ATG16L1: variants seen among roughly 807,000 people sequenced by gnomAD.
ATG16L1 encodes autophagy related 16 like 1.
Under a neutral mutation model 88.5 loss-of-function variants are expected in ATG16L1, and 37 were observed. The ratio of observed to expected loss-of-function variants is 0.42; its 90% CI spans 0.32 to 0.55. The LOEUF is 0.55. Among genes scored for constraint, ATG16L1 ranks in the 20% least tolerant of loss-of-function variants. The pLI, the probability that ATG16L1 is intolerant of heterozygous loss-of-function variation, is 0.13. For synonymous variants in ATG16L1, 301 were observed against 281.0 expected (o/e 1.07, Z -0.71); for missense variants, 554 against 752.8 (o/e 0.74, Z 3.09).
At chr2:233,272,420 T>C (rs889195258) in intron 6 of ATG16L1, among the ~76,000 whole-genome samples, 1 of 152,258 alleles carries the variant, frequency 6.6e-6, no homozygotes, top group Non-Finnish European at 1.5e-5. Context: ...TTCTATTTTT[T>C]AAAGTAATAT....
chr2:233,267,004 ATTAC>A (rs1370874593), intron 5 of ATG16L1, among the ~76,000 whole-genome samples: 4 of 152,158 alleles, frequency 2.6e-5, no homozygotes, highest in African/African-American at 9.7e-5. Flanking sequence ...TTAAAGAGAG[ATTAC>A]TTAATGGATA....
At chr2:233,290,040 A>C in intron 13 of ATG16L1, 66 bp downstream of exon 13, 23 of 1,596,140 alleles carry the variant, frequency 1.4e-5, no homozygotes, top group Non-Finnish European at 2.0e-5. Flanking sequence ...GTGTGTTTGC[A>C]CGTCAGAGCC....
At chr2:233,277,275 A>G (rs1167517875) in intron 9 of ATG16L1, 1 of 246,088 alleles carries the variant, frequency 4.1e-6, no homozygotes, top group African/African-American at 2.2e-5. Context: ...AATATAGGCC[A>G]TTATTGTTAG....
chr2:233,278,571 G>A lies in ATG16L1; in HGVS notation c.1060+898G>A, dbSNP rs566991949. ...AAAGGGAATAAAACTCAGATACTACGTGATTTACATGGCTAGTGAATGATT... is the reference window on the plus strand; with the variant it reads ...AAAGGGAATAAAACTCAGATACTACATGATTTACATGGCTAGTGAATGATT... On this transcript the variant is annotated intron_variant, in intron 10 of 17. Transcript: ENST00000392017. Among the ~76,000 whole-genome samples, 8 of 152,304 alleles carry A rather than the reference G, an allele frequency of 5.3e-5. 1 individual carries two copies. In the South Asian group the frequency reaches 8.3e-4, roughly 16 times the overall value.
rs193293994 is a variant in ATG16L1, at chr2:233,277,256, A to G, written c.955-312A>G. 3.0e-5 allele frequency: 6 copies of G among 198,730 alleles called. No individual in the cohort carries two copies. In the East Asian group the frequency reaches 6.2e-4, roughly 20 times the overall value. 12.3% of individuals were successfully genotyped at this position (198,730 alleles called of 1,614,324 possible). A position where few individuals can be genotyped will look rare whatever the true frequency, so the allele number is the denominator to read the frequency against. On this transcript the variant is annotated intron_variant, in intron 9 of 17. Transcript: ENST00000392017. ...TTAATTCTAGGTTTACTTTTAAACT[A>G]TTAAGATAAATATAGGCCATTATTG...
At chr2:233,279,865 A>C (rs1698609565) in intron 10 of ATG16L1, among the ~76,000 whole-genome samples, 1 of 152,158 alleles carries the variant, frequency 6.6e-6, no homozygotes, top group Admixed American at 6.5e-5. Context: ...CACTTCCTAC[A>C]TTTCGGCACT....
intron 7 of ATG16L1, 44 bp from the exon 8 acceptor site, chr2:233,273,677 C>T (rs1284296492): frequency 1.3e-6 from 2 of 1,590,868 alleles, no homozygotes. Flanking sequence ...ATTATTTGGG[C>T]AAAATGTTTC....
At position 233,277,550 on chromosome 2, in the gene ATG16L1, AG is replaced by A; in HGVS notation, c.955-15del. On this transcript the variant is annotated splice_polypyrimidine_tract_variant and intron_variant, in intron 9 of 17. Coordinates refer to ENST00000392017, the MANE Select transcript of ATG16L1 (RefSeq NM_030803.7). ...GGATGAGAATGACTGGGTTTGACAC[AG>A]GGTGCTTGTCTTGCAGGATGCACAT... 1 of 1,611,180 alleles carries A rather than the reference AG, an allele frequency of 6.2e-7. No individual in the cohort carries two copies. The highest frequency in any genetic ancestry group is 8.5e-7 in the Non-Finnish European group (1 of 1,177,466).
At chr2:233,283,176 A>G (rs1559405384) in intron 12 of ATG16L1, among the ~76,000 whole-genome samples, 1 of 152,188 alleles carries the variant, frequency 6.6e-6, no homozygotes, top group Non-Finnish European at 1.5e-5. Flanking sequence ...CCAAGCTGAG[A>G]AAGAGGGGAC....
intron 9 of ATG16L1, among the ~76,000 whole-genome samples, chr2:233,275,192 C>T (rs182526511): frequency 1.3e-5 from 2 of 152,296 alleles, no homozygotes; most frequent in Admixed American, 6.5e-5. Flanking sequence ...CTGTATGACT[C>T]CCAGCCATTA....
At chr2:233,292,533 C>G (rs188951414) in intron 16 of ATG16L1, 99 bp downstream of exon 16, 35 of 1,437,098 alleles carry the variant, frequency 2.4e-5, no homozygotes, top group Non-Finnish European at 3.4e-5. Context: ...TGTTCAGTGC[C>G]CAACCTATGT....
At chr2:233,261,827 C>A (rs912739500) in intron 2 of ATG16L1, among the ~76,000 whole-genome samples, 1 of 152,206 alleles carries the variant, frequency 6.6e-6, no homozygotes, top group African/African-American at 2.4e-5. Context: ...TCTGCTGTAT[C>A]TGAGATATTA....
At chr2:233,286,621 CTT>C (rs10676895) in intron 12 of ATG16L1, among the ~76,000 whole-genome samples, 8 of 93,272 alleles carry the variant, frequency 8.6e-5, no homozygotes, top group African/African-American at 1.9e-4. Flanking sequence ...GAAGCCCAAA[CTT>C]TTTTTTTTTT....
chr2:233,289,637 A>G (rs910150395), intron 12 of ATG16L1, among the ~76,000 whole-genome samples: 2 of 152,102 alleles, frequency 1.3e-5, no homozygotes, highest in Non-Finnish European at 2.9e-5. Flanking sequence ...AGCAGTCCTC[A>G]CACCTTGGCC....
intron 10 of ATG16L1, among the ~76,000 whole-genome samples, chr2:233,278,758 G>A (rs1698539435): frequency 6.6e-6 from 1 of 152,150 alleles, no homozygotes; most frequent in South Asian, 2.1e-4. Flanking sequence ...TATTAGTAAA[G>A]CACCCCTCCT....
chr2:233,286,664 C>T (rs189873393), intron 12 of ATG16L1, among the ~76,000 whole-genome samples: 1 of 133,630 alleles, frequency 7.5e-6, no homozygotes, highest in Admixed American at 8.2e-5. Flanking sequence ...CTCGCTCAGT[C>T]ACCCAGGCTG....
intron 15 of ATG16L1, 54 bp downstream of exon 15, chr2:233,292,331 TA>T (rs60739904): frequency 0.076 from 122,659 of 1,614,094 alleles, 6,585 homozygotes; most frequent in African/African-American, 0.26. Context: ...CCTGCTCTCT[TA>T]ACGTGCTGCG....
At chr2:233,261,746 C>G (rs1237814279) in intron 2 of ATG16L1, among the ~76,000 whole-genome samples, 1 of 152,174 alleles carries the variant, frequency 6.6e-6, no homozygotes, top group East Asian at 1.9e-4. Flanking sequence ...CAGCTGCTCA[C>G]TATAGTCTGA....
rs1181429261 is a variant in ATG16L1, at chr2:233,264,000, A to G, written c.324A>G (p.Gln108=). The G allele has an allele frequency of 6.2e-7, 1 of 1,613,836 alleles. No homozygotes were observed. The highest frequency in any genetic ancestry group is 1.3e-5 in the African/African-American group (1 of 74,924). The change falls in exon 4 of 18, where the codon CAA becomes CAG. Residue 108 remains glutamine, a synonymous_variant. Coordinates refer to ENST00000392017, the MANE Select transcript of ATG16L1 (RefSeq NM_030803.7). The stretch of plus-strand genomic sequence containing the variant: ...TCTTCTTTATCTCCCAGTTAGCTCA[A>G]CTGGTGATTGACCTGAATAACCAAA... The part of the protein sequence containing the change: ...ELHKKRGELA[Q]LVIDLNNQMQ...
Sources: allele counts gnomAD v4.1 joint callset (sites outside exome capture counted in the v4.1 genomes callset), GRCh38; gene constraint gnomAD v4.1.1; transcripts MANE v1.5; gene names NCBI Gene and HGNC (gene_info 2026-07-23, HGNC 2026-07-21).